Variants in CTNND2 observed in about 807,000 individuals in gnomAD.
CTNND2 encodes catenin delta-2.
In CTNND2, 22 loss-of-function variants were observed where a neutral mutation model predicts 144.4. The observed-to-expected ratio is 0.15, with a 90% CI of 0.11 to 0.22. The LOEUF (loss-of-function observed/expected upper bound fraction) is 0.22. Ranked by LOEUF, CTNND2 falls within the 10% of genes least tolerant of loss-of-function variation. The pLI is 1.00. For missense variants in CTNND2, 1,353 were observed against 1,618.8 expected (o/e 0.84, Z 2.82); for synonymous variants, 751 against 695.6 (o/e 1.08, Z -1.25).
chr5:11,141,966 G>C (rs73742134), intron 12 of CTNND2, among the ~76,000 whole-genome samples: 11,607 of 152,132 alleles, frequency 0.076, 1,415 homozygotes, highest in African/African-American at 0.26. Context: ...GAGTGAGTTT[G>C]TTATAAAACT....
chr5:11,376,002 G>A (rs138876852), intron 7 of CTNND2, among the ~76,000 whole-genome samples: 1 of 152,184 alleles, frequency 6.6e-6, no homozygotes, highest in East Asian at 1.9e-4. Flanking sequence ...GAGGTCATGA[G>A]GGTGGACATG....
rs1168574210 is a variant in CTNND2, at chr5:11,444,518, A to G, written c.288-32449T>C. Among the ~76,000 whole-genome samples, 6 of 152,284 alleles carry G rather than the reference A, an allele frequency of 3.9e-5. No homozygotes were observed. The East Asian group carries it at 9.7e-4, about 24-fold the overall frequency. On this transcript the variant is annotated intron_variant, in intron 3 of 21. Coordinates refer to ENST00000304623, the MANE Select transcript of CTNND2 (RefSeq NM_001332.4). ...TAAGATGAAGGGCAGTCTGACCAAC[A>G]TGGCAAAACCCCATCTCTACTAAAA...
intron 17 of CTNND2, among the ~76,000 whole-genome samples, chr5:11,018,262 T>C (rs1004415486): frequency 1.3e-5 from 2 of 152,080 alleles, no homozygotes; most frequent in Admixed American, 1.3e-4. Context: ...AATCAAGAAA[T>C]ATTGTGTGTT....
At chr5:11,215,635 C>T (rs561245441) in intron 10 of CTNND2, among the ~76,000 whole-genome samples, 1 of 152,290 alleles carries the variant, frequency 6.6e-6, no homozygotes, top group East Asian at 1.9e-4. Flanking sequence ...TCAAAATCTT[C>T]ACATTCTGCT....
intron 2 of CTNND2, among the ~76,000 whole-genome samples, chr5:11,582,162 C>G (rs1581551832): frequency 6.6e-6 from 1 of 152,066 alleles, no homozygotes; most frequent in Non-Finnish European, 1.5e-5. Context: ...CTGGGAAGCC[C>G]CTGTATGAGA....
chr5:11,879,356 T>TATATATATATATATATATATAC lies in CTNND2; in HGVS notation c.37+24460_37+24461insGTATATATATATATATATATAT, dbSNP rs904010417. Among the ~76,000 whole-genome samples, 136 of 141,400 alleles carry TATATATATATATATATATATAC rather than the reference T, an allele frequency of 9.6e-4. 1 individual carries two copies. Among genetic ancestry groups the TATATATATATATATATATATAC allele is most frequent in the Non-Finnish European group, 1.5e-3 (97 of 64,230 alleles). The allele number at this position is 141,400 out of a possible 152,430, so 92.8% of individuals were successfully genotyped here. On this transcript the variant is annotated intron_variant, in intron 1 of 21. Transcript: ENST00000304623. ...TTAAATGTGTGTATATATATATATA[T>TATATATATATATATATATATAC]ACATATACACACACACACAAACATA...
chr5:11,546,290 C>T (rs1420764232), intron 3 of CTNND2, among the ~76,000 whole-genome samples: 1 of 151,790 alleles, frequency 6.6e-6, no homozygotes, highest in African/African-American at 2.4e-5. Flanking sequence ...TCAATAAAGC[C>T]TTTTTTTTCT....
At chr5:11,124,063 A>C (rs1335752235) in intron 12 of CTNND2, among the ~76,000 whole-genome samples, 1 of 152,142 alleles carries the variant, frequency 6.6e-6, no homozygotes, top group Non-Finnish European at 1.5e-5. Flanking sequence ...TAATTTTTTG[A>C]CCATGTAATT....
intron 2 of CTNND2, among the ~76,000 whole-genome samples, chr5:11,709,176 C>A (rs1785887003): frequency 6.6e-6 from 1 of 152,204 alleles, no homozygotes; most frequent in Non-Finnish European, 1.5e-5. Flanking sequence ...CACCCGGCTA[C>A]TGAAGAGGCT....
At chr5:11,083,362 G>A (rs1447096903) in intron 15 of CTNND2, among the ~76,000 whole-genome samples, 1 of 152,178 alleles carries the variant, frequency 6.6e-6, no homozygotes, top group Non-Finnish European at 1.5e-5. Flanking sequence ...TCAGAAATAG[G>A]CAGGGGTGGA....
At chr5:11,857,484 G>A (rs1401234810) in intron 1 of CTNND2, among the ~76,000 whole-genome samples, 2 of 152,196 alleles carry the variant, frequency 1.3e-5, no homozygotes, top group Admixed American at 1.3e-4. Context: ...GTGCGAGCAA[G>A]AGGACAATAC....
intron 1 of CTNND2, among the ~76,000 whole-genome samples, chr5:11,832,156 C>T (rs1281106487): frequency 1.4e-4 from 22 of 151,894 alleles, no homozygotes; most frequent in African/African-American, 2.4e-4. Context: ...TGGTGGCGGG[C>T]GCCTGTAGTC....
intron 2 of CTNND2, among the ~76,000 whole-genome samples, chr5:11,630,778 G>A (rs773518671): frequency 6.6e-6 from 1 of 151,710 alleles, no homozygotes; most frequent in Non-Finnish European, 1.5e-5. Context: ...ATGGTGAAAT[G>A]CCGTCTCTAC....
rs145633218 is a variant in CTNND2, at chr5:11,540,351, C to T, written c.287+24593G>A. Reference sequence around the variant, plus strand: ...GAAGCATGTGCCCTCCTGAAGGATGCACTGTTCCCCTTCACCTTTGTATCT... The same window carrying T: ...GAAGCATGTGCCCTCCTGAAGGATGTACTGTTCCCCTTCACCTTTGTATCT... On this transcript the variant is annotated intron_variant, in intron 3 of 21. Coordinates refer to ENST00000304623, the MANE Select transcript of CTNND2 (RefSeq NM_001332.4). 5.5e-3 allele frequency among the ~76,000 whole-genome samples: 830 copies of T among 152,258 alleles called. 6 individuals carry two copies. The highest frequency in any genetic ancestry group is 0.019 in the African/African-American group (793 of 41,552).
intron 2 of CTNND2, among the ~76,000 whole-genome samples, chr5:11,674,636 T>G (rs1205149169): frequency 6.6e-6 from 1 of 152,230 alleles, no homozygotes; most frequent in Admixed American, 6.5e-5. Flanking sequence ...CATGAATTTC[T>G]GTAGCGTTAG....
intron 2 of CTNND2, 49 bp downstream of exon 2, chr5:11,732,086 AT>A (rs1337134379): frequency 1.3e-6 from 2 of 1,564,502 alleles, no homozygotes; most frequent in Admixed American, 1.8e-5. Context: ...TAGAAAAACA[AT>A]TTTTAAAATG....
chr5:11,321,310 C>T (rs569693766), intron 9 of CTNND2, among the ~76,000 whole-genome samples: 14 of 152,244 alleles, frequency 9.2e-5, no homozygotes, highest in East Asian at 1.9e-4. Flanking sequence ...AAGATTATTA[C>T]GTCAAATCAA....
intron 10 of CTNND2, among the ~76,000 whole-genome samples, chr5:11,213,610 C>T (rs1738867137): frequency 6.6e-6 from 1 of 152,040 alleles, no homozygotes; most frequent in African/African-American, 2.4e-5. Context: ...ATCTGTGACC[C>T]TTGAAATTTA....
chr5:11,382,581 G>A (rs1028902934), intron 7 of CTNND2, among the ~76,000 whole-genome samples: 5 of 148,912 alleles, frequency 3.4e-5, no homozygotes, highest in South Asian at 2.2e-4. Context: ...CTGGGCAACC[G>A]ACAGAGTGAG....
Sources: gnomAD v4.1 joint callset for allele counts (sites outside exome capture counted in the v4.1 genomes callset) on GRCh38, gnomAD v4.1.1 for gene constraint, MANE v1.5 for transcripts, NCBI Gene and HGNC (gene_info 2026-07-23, HGNC 2026-07-21) for gene names.